Variants in TAFA5 observed in about 807,000 individuals in gnomAD.
TAFA5 encodes chemokine-like protein TAFA-5.
TAFA5 carries 6 observed loss-of-function variants against 15.3 expected under a neutral mutation model. That is an observed-to-expected ratio of 0.39 (90% CI 0.21 to 0.77). TAFA5 has a LOEUF of 0.77. Among genes scored for constraint, TAFA5 ranks in the 30% least tolerant of loss-of-function variants. The pLI, the probability that TAFA5 is intolerant of heterozygous loss-of-function variation, is 0.41. For synonymous variants in TAFA5, 103 were observed against 80.7 expected (o/e 1.28, Z -1.48); for missense variants, 161 against 193.1 (o/e 0.83, Z 0.98).
chr22:48,592,698 G>A (rs1020157513), intron 1 of TAFA5, among the ~76,000 whole-genome samples: 3 of 152,124 alleles, frequency 2.0e-5, no homozygotes, highest in East Asian at 1.9e-4. Flanking sequence ...CTCGGTCCTG[G>A]GAAGGTTGGT....
chr22:48,593,861 G>C (rs950151213), intron 1 of TAFA5, among the ~76,000 whole-genome samples: 3 of 152,182 alleles, frequency 2.0e-5, no homozygotes, highest in Admixed American at 6.5e-5. Context: ...GCAACTGTGA[G>C]CATCCGAGGT....
rs16999443 is a variant in TAFA5 at position 48,559,338 on chromosome 22, A to G, written c.112+69634A>G. ...TGGCTCTGACTCTGAGCCCTCAGCC[A>G]TCACTGCTCTGTGCTCTTTCTAGTC... On this transcript the variant is annotated intron_variant, in intron 1 of 3. Coordinates refer to ENST00000402357, the MANE Select transcript of TAFA5 (RefSeq NM_001082967.3). 8.1e-3 allele frequency among the ~76,000 whole-genome samples: 1,237 copies of G among 152,276 alleles called. 82 individuals carry two copies. In the East Asian group the frequency reaches 0.17, roughly 21 times the overall value.
chr22:48,640,238 A>C (rs1406688018), intron 1 of TAFA5, among the ~76,000 whole-genome samples: 2 of 152,158 alleles, frequency 1.3e-5, no homozygotes, highest in Admixed American at 1.3e-4. Context: ...GCTCCCAGGC[A>C]GGTCTACCAT....
chr22:48,683,988 A>T (rs1928276320), intron 2 of TAFA5, among the ~76,000 whole-genome samples: 1 of 152,108 alleles, frequency 6.6e-6, no homozygotes, highest in South Asian at 2.1e-4. Context: ...AGCCATGAGG[A>T]ACTGTGAGTC....
chr22:48,632,414 C>T (rs910137333), intron 1 of TAFA5, among the ~76,000 whole-genome samples: 6 of 150,898 alleles, frequency 4.0e-5, no homozygotes, highest in Non-Finnish European at 8.8e-5. Flanking sequence ...TGCTTTGCCC[C>T]GACCCCTTTG....
At chr22:48,689,517 G>C (rs1184119412) in intron 2 of TAFA5, among the ~76,000 whole-genome samples, 1 of 152,202 alleles carries the variant, frequency 6.6e-6, no homozygotes, top group Non-Finnish European at 1.5e-5. Flanking sequence ...GCGCAGACTT[G>C]AGAGCAAGTC....
rs76089635 is a variant in TAFA5, at chr22:48,500,683, T to C, written c.112+10979T>C. 6.3e-3 allele frequency among the ~76,000 whole-genome samples: 967 copies of C among 152,316 alleles called. 8 individuals carry two copies. Among genetic ancestry groups the C allele is most frequent in the African/African-American group, 0.023 (938 of 41,578 alleles). On this transcript the variant is annotated intron_variant, in intron 1 of 3. Transcript: ENST00000402357. ...GCGCTTCCCGTGACGACGTGGCTAA[T>C]TGGGAAGTGAGTCACCAGTATCTAG...
chr22:48,581,872 G>A (rs888649513), intron 1 of TAFA5, among the ~76,000 whole-genome samples: 1 of 152,146 alleles, frequency 6.6e-6, no homozygotes, highest in African/African-American at 2.4e-5. Context: ...CTGGAGAGGG[G>A]AGGGAGGCAT....
chr22:48,701,457 C>T lies in TAFA5; in HGVS notation c.263-6260C>T, dbSNP rs553067526. ...CCGCCCTCCTGGGACCCTGCCTGCC[C>T]GCTGGGAGTCGGCGCAACCCTCAGC... On this transcript the variant is annotated intron_variant, in intron 2 of 3. Transcript: ENST00000402357. 1.7e-4 allele frequency among the ~76,000 whole-genome samples: 26 copies of T among 152,246 alleles called. No homozygotes were observed. In the South Asian group the frequency reaches 4.8e-3, roughly 28 times the overall value.
intron 1 of TAFA5, among the ~76,000 whole-genome samples, chr22:48,533,432 G>T (rs1223412330): frequency 6.6e-6 from 1 of 152,198 alleles, no homozygotes; most frequent in African/African-American, 2.4e-5. Context: ...CCCTGGTGGG[G>T]CTCTCTCAGC....
intron 1 of TAFA5, among the ~76,000 whole-genome samples, chr22:48,517,638 C>T (rs1169955744): frequency 6.6e-6 from 1 of 152,184 alleles, no homozygotes; most frequent in Non-Finnish European, 1.5e-5. Context: ...CCCTGGGCCA[C>T]CAGAGGCCTT....
intron 1 of TAFA5, among the ~76,000 whole-genome samples, chr22:48,563,870 G>A (rs545720666): frequency 5.3e-5 from 8 of 152,346 alleles, no homozygotes; most frequent in Non-Finnish European, 7.4e-5. Flanking sequence ...GGCCCAGCCC[G>A]CCTCCAGGTC....
chr22:48,508,043 C>T (rs376082898), intron 1 of TAFA5, among the ~76,000 whole-genome samples: 9 of 152,070 alleles, frequency 5.9e-5, no homozygotes, highest in South Asian at 2.1e-4. Flanking sequence ...AACTGTCACT[C>T]GGCCCCTAGA....
chr22:48,667,488 C>T (rs890990391), intron 2 of TAFA5, among the ~76,000 whole-genome samples: 20 of 152,142 alleles, frequency 1.3e-4, no homozygotes, highest in African/African-American at 4.3e-4. Flanking sequence ...ATGGGTATTG[C>T]GTGTTAGTGA....
chr22:48,697,265 A>G (rs955180979), intron 2 of TAFA5, among the ~76,000 whole-genome samples: 3 of 152,204 alleles, frequency 2.0e-5, no homozygotes, highest in Non-Finnish European at 4.4e-5. Flanking sequence ...GAGGGCAGCC[A>G]TGTGTATGGC....
chr22:48,605,782 T>C (rs1361335276), intron 1 of TAFA5, among the ~76,000 whole-genome samples: 1 of 152,156 alleles, frequency 6.6e-6, no homozygotes, highest in East Asian at 1.9e-4. Flanking sequence ...AACATTCACT[T>C]AGAGGGCTGT....
chr22:48,663,551 C>G (rs1377521973), intron 2 of TAFA5, among the ~76,000 whole-genome samples: 1 of 152,242 alleles, frequency 6.6e-6, no homozygotes, highest in East Asian at 1.9e-4. Context: ...CATACTTGTT[C>G]AGAGGTAAGC....
At chr22:48,645,725 A>C (rs1384690026) in intron 1 of TAFA5, among the ~76,000 whole-genome samples, 1 of 151,950 alleles carries the variant, frequency 6.6e-6, no homozygotes, top group African/African-American at 2.4e-5. Context: ...GTGTCTGCAG[A>C]GCACATCCAT....
At chr22:48,638,127 C>T (rs1926517776) in intron 1 of TAFA5, among the ~76,000 whole-genome samples, 1 of 152,082 alleles carries the variant, frequency 6.6e-6, no homozygotes, top group Non-Finnish European at 1.5e-5. Context: ...TGTGTCCTGT[C>T]ACCACGTCCT....
Sources: gnomAD v4.1 joint callset for allele counts (sites outside exome capture counted in the v4.1 genomes callset) on GRCh38, gnomAD v4.1.1 for gene constraint, MANE v1.5 for transcripts, NCBI Gene and HGNC (gene_info 2026-07-23, HGNC 2026-07-21) for gene names.